Variants in TMEM117 observed in about 807,000 individuals in gnomAD.
TMEM117 encodes transmembrane protein 117.
A neutral mutation model predicts 52.4 loss-of-function variants in TMEM117; 27 were observed. The observed-to-expected ratio is 0.51, with a 90% CI of 0.38 to 0.71. The LOEUF (loss-of-function observed/expected upper bound fraction) is 0.71. Among genes scored for constraint, TMEM117 ranks in the 30% least tolerant of loss-of-function variants. TMEM117 has a pLI of 0.00. For synonymous variants in TMEM117, 215 were observed against 206.3 expected (o/e 1.04, Z -0.36); for missense variants, 556 against 630.5 (o/e 0.88, Z 1.26).
chr12:43,920,196 A>G (rs1944668524), intron 2 of TMEM117, among the ~76,000 whole-genome samples: 1 of 152,128 alleles, frequency 6.6e-6, no homozygotes, highest in Non-Finnish European at 1.5e-5. Flanking sequence ...TATAGATTTT[A>G]TCTCTAAAAC....
At chr12:44,181,494 G>A (rs1335353230) in intron 4 of TMEM117, among the ~76,000 whole-genome samples, 3 of 150,400 alleles carry the variant, frequency 2.0e-5, no homozygotes, top group South Asian at 2.1e-4. Flanking sequence ...TAGGTCTAAC[G>A]TTTAAGTCCT....
chr12:44,080,554 G>A (rs745939990), intron 3 of TMEM117, among the ~76,000 whole-genome samples: 12 of 152,066 alleles, frequency 7.9e-5, no homozygotes, highest in Admixed American at 5.9e-4. Flanking sequence ...TTTAAGAAAG[G>A]AACTTTTCTT....
intron 2 of TMEM117, among the ~76,000 whole-genome samples, chr12:43,914,281 C>T (rs995098425): frequency 1.3e-5 from 2 of 152,084 alleles, no homozygotes; most frequent in Non-Finnish European, 2.9e-5. Flanking sequence ...GGTTTTGCTT[C>T]TCTTCCCTCT....
the TMEM117 span, among the ~76,000 whole-genome samples, chr12:43,796,709 G>C: frequency 6.6e-6 from 1 of 151,968 alleles, no homozygotes; most frequent in African/African-American, 2.4e-5. Flanking sequence ...ATGAGAATTT[G>C]ACATAAGGCT....
chr12:44,002,403 A>G lies in TMEM117; in HGVS notation c.410+58061A>G, dbSNP rs76759935. On this transcript the variant is annotated intron_variant, in intron 3 of 7. Coordinates refer to ENST00000266534, the MANE Select transcript of TMEM117 (RefSeq NM_032256.3). ...TGAGATCTTTTGCTACCAAACTCAG[A>G]GTCCCTCTGAAGTGTCTGCTGCAGC... Among the ~76,000 whole-genome samples, 1,137 of 152,068 alleles carry G rather than the reference A, an allele frequency of 7.5e-3. 4 individuals are homozygous for G. The highest frequency in any genetic ancestry group is 0.011 in the Non-Finnish European group (715 of 67,974).
intron 5 of TMEM117, among the ~76,000 whole-genome samples, chr12:44,268,143 C>CT (rs759345644): frequency 0.078 from 11,279 of 145,236 alleles, 567 homozygotes; most frequent in Middle Eastern, 0.17. Context: ...ATCATGACAT[C>CT]TTTTTTTTTT....
intron 5 of TMEM117, among the ~76,000 whole-genome samples, chr12:44,222,399 C>T (rs1949800573): frequency 6.6e-6 from 1 of 152,174 alleles, no homozygotes; most frequent in Admixed American, 6.5e-5. Flanking sequence ...TCTCCTGTGC[C>T]TACCTATATC....
chr12:43,919,086 C>G (rs1284840165), intron 2 of TMEM117, among the ~76,000 whole-genome samples: 2 of 152,102 alleles, frequency 1.3e-5, no homozygotes, highest in African/African-American at 4.8e-5. Flanking sequence ...CTTTCTTCTC[C>G]TTTTCTCCTC....
intron 6 of TMEM117, among the ~76,000 whole-genome samples, chr12:44,314,762 A>T (rs1951033737): frequency 6.6e-6 from 1 of 152,002 alleles, no homozygotes; most frequent in Non-Finnish European, 1.5e-5. Flanking sequence ...TCAGGGTGAT[A>T]CTAGCTTCAT....
intron 6 of TMEM117, among the ~76,000 whole-genome samples, chr12:44,346,513 A>G (rs1381698813): frequency 6.6e-6 from 1 of 151,898 alleles, no homozygotes; most frequent in Non-Finnish European, 1.5e-5. Context: ...ACTCATTCTC[A>G]CCCTCTTTTT....
chr12:44,344,580 A>G (rs983663935), intron 6 of TMEM117, among the ~76,000 whole-genome samples: 3 of 152,062 alleles, frequency 2.0e-5, no homozygotes, highest in Non-Finnish European at 4.4e-5. Context: ...TGTTAAAGAA[A>G]GGACCTGGGG....
chr12:43,849,001 A>G (rs770744606), intron 2 of TMEM117, among the ~76,000 whole-genome samples: 8 of 152,174 alleles, frequency 5.3e-5, no homozygotes, highest in Non-Finnish European at 1.2e-4. Flanking sequence ...TAACAGAAGT[A>G]AACCATTCTT....
At chr12:44,210,697 C>T (rs1157184487) in intron 4 of TMEM117, among the ~76,000 whole-genome samples, 2 of 152,038 alleles carry the variant, frequency 1.3e-5, no homozygotes, top group Admixed American at 6.6e-5. Context: ...GAAGACATCA[C>T]AATAGTAATA....
intron 2 of TMEM117, among the ~76,000 whole-genome samples, chr12:43,931,648 T>A (rs1432619758): frequency 1.3e-5 from 2 of 152,266 alleles, no homozygotes; most frequent in African/African-American, 4.8e-5. Flanking sequence ...TCTAAAGTTT[T>A]ATTTGCTATT....
intron 3 of TMEM117, among the ~76,000 whole-genome samples, chr12:44,036,675 A>C (rs1027460810): frequency 2.0e-5 from 3 of 152,184 alleles, no homozygotes; most frequent in African/African-American, 7.2e-5. Context: ...TGCCATTTCA[A>C]ATATTGTTGC....
At chr12:43,871,144 C>A (rs1011136416) in intron 2 of TMEM117, among the ~76,000 whole-genome samples, 1 of 151,136 alleles carries the variant, frequency 6.6e-6, no homozygotes, top group African/African-American at 2.4e-5. Flanking sequence ...GCTCTGTCGC[C>A]CAGGCTGGAG....
intron 2 of TMEM117, among the ~76,000 whole-genome samples, chr12:43,865,780 G>A (rs1943585147): frequency 6.6e-6 from 1 of 151,340 alleles, no homozygotes; most frequent in Non-Finnish European, 1.5e-5. Context: ...AGTTCAAAGT[G>A]ATTAGCCAGT....
intron 3 of TMEM117, among the ~76,000 whole-genome samples, chr12:44,030,640 GT>G (rs1488391179): frequency 6.6e-6 from 1 of 152,212 alleles, no homozygotes; most frequent in Non-Finnish European, 1.5e-5. Context: ...TTAAAGGATT[GT>G]TTTAACCTAT....
At chr12:44,176,602 G>C (rs1949119830) in intron 4 of TMEM117, among the ~76,000 whole-genome samples, 1 of 152,108 alleles carries the variant, frequency 6.6e-6, no homozygotes, top group South Asian at 2.1e-4. Context: ...AGAAGGATGA[G>C]ATTTCAAATA....
Sources: allele counts gnomAD v4.1 joint callset (sites outside exome capture counted in the v4.1 genomes callset), GRCh38; gene constraint gnomAD v4.1.1; transcripts MANE v1.5; gene names NCBI Gene and HGNC (gene_info 2026-07-23, HGNC 2026-07-21).